DOCK10: variants seen among roughly 807,000 people sequenced by gnomAD.
DOCK10 encodes the protein dedicator of cytokinesis protein 10.
Under a neutral mutation model 280.1 loss-of-function variants are expected in DOCK10, and 145 were observed. The ratio of observed to expected loss-of-function variants is 0.52; its 90% CI spans 0.45 to 0.59. The LOEUF is 0.59. DOCK10 is among the 20% of genes least tolerant of loss of function. DOCK10 has a pLI of 0.00. For synonymous variants in DOCK10, 915 were observed against 942.2 expected, an observed-to-expected ratio of 0.97 and a Z score of 0.53; for missense variants, 2,368 against 2,651.7, an observed-to-expected ratio of 0.89 and a Z score of 2.35.
intron 23 of DOCK10, among the ~76,000 whole-genome samples, chr2:224,840,981 T>C (rs150344686): frequency 6.6e-6 from 1 of 152,250 alleles, no homozygotes; most frequent in Non-Finnish European, 1.5e-5. Context: ...ACCCGGAGTA[T>C]ATTATGCTAA....
At chr2:224,907,690 A>G (rs1700740321) in intron 3 of DOCK10, among the ~76,000 whole-genome samples, 1 of 29,878 alleles carries the variant, frequency 3.3e-5, no homozygotes, top group Admixed American at 4.9e-4. Flanking sequence ...TCCACCTCAA[A>G]AAAAAAAAAA....
chr2:225,040,220 T>C (rs1265304956), intron 1 of DOCK10, among the ~76,000 whole-genome samples: 3 of 152,150 alleles, frequency 2.0e-5, no homozygotes, highest in Non-Finnish European at 4.4e-5. Context: ...ACTCATCACC[T>C]TCCTGTTTCC....
At chr2:224,979,960 T>TTA (rs1491543498) in intron 1 of DOCK10, among the ~76,000 whole-genome samples, 2 of 54,770 alleles carry the variant, frequency 3.7e-5, no homozygotes, top group African/African-American at 2.2e-4. Context: ...GTCTGTGATC[T>TTA]TATAAAAAAA....
rs1242459596 is a variant in DOCK10 at position 224,788,336 on chromosome 2, TATG to T, written c.5418+725_5418+727del. On this transcript the variant is annotated intron_variant, in intron 48 of 55. Transcript: ENST00000258390. ...AGTTATATAAGCTTTAAAGCAAATG[TATG>T]ATATTATTGGAATGTTTTCAACAAT... Among the ~76,000 whole-genome samples the T allele has an allele frequency of 9.2e-5, 14 of 152,216 alleles. 1 individual carries two copies. Among genetic ancestry groups the T allele is most frequent in the Non-Finnish European group, 1.6e-4 (11 of 68,036 alleles).
At chr2:224,893,490 C>T in intron 4 of DOCK10, 2 of 230,456 alleles carry the variant, frequency 8.7e-6, no homozygotes, top group South Asian at 5.5e-5. Context: ...TGTATTTTAC[C>T]CAGTGGATTA....
intron 1 of DOCK10, among the ~76,000 whole-genome samples, chr2:224,942,801 AATTTTC>A (rs1266884643): frequency 6.6e-6 from 1 of 152,246 alleles, no homozygotes; most frequent in African/African-American, 2.4e-5. Context: ...TAAGAGGATG[AATTTTC>A]ATGGGTATCC....
At chr2:224,886,714 T>G (rs1699305599) in intron 4 of DOCK10, among the ~76,000 whole-genome samples, 183 bp from the exon 5 acceptor site, 3 of 152,288 alleles carry the variant, frequency 2.0e-5, no homozygotes, top group South Asian at 4.1e-4. Context: ...CATGATATCT[T>G]ATCTCCAGTA....
At chr2:224,847,264 CCTTGTGAAGTAG>C (rs1696427323) in intron 19 of DOCK10, among the ~76,000 whole-genome samples, 1 of 152,196 alleles carries the variant, frequency 6.6e-6, no homozygotes, top group South Asian at 2.1e-4. Flanking sequence ...TCCCCAGTAG[CCTTGTGAAGTAG>C]CATGGCACAG....
chr2:224,885,877 T>C, intron 6 of DOCK10, 72 bp from the exon 7 acceptor site: 1 of 1,553,720 alleles, frequency 6.4e-7, no homozygotes, highest in Non-Finnish European at 8.7e-7. Context: ...TTAGAATTAT[T>C]CTAATTCCTT....
intron 1 of DOCK10, among the ~76,000 whole-genome samples, chr2:225,009,299 C>A (rs571539435): frequency 6.6e-6 from 1 of 152,054 alleles, no homozygotes; most frequent in East Asian, 1.9e-4. Flanking sequence ...ATCACTGAAT[C>A]AAAATATTAA....
At chr2:224,783,480 T>C (rs1028293501) in intron 50 of DOCK10, among the ~76,000 whole-genome samples, 1 of 152,094 alleles carries the variant, frequency 6.6e-6, no homozygotes. Context: ...TTCACTGTGT[T>C]AGCCAGGATG....
At chr2:224,857,211 C>A (rs1697206882) in intron 14 of DOCK10, among the ~76,000 whole-genome samples, 1 of 152,110 alleles carries the variant, frequency 6.6e-6, no homozygotes, top group African/African-American at 2.4e-5. Flanking sequence ...TTCCATATTA[C>A]AACTATATTT....
At chr2:224,851,414 T>C (rs1035823975) in intron 18 of DOCK10, among the ~76,000 whole-genome samples, 3 of 150,188 alleles carry the variant, frequency 2.0e-5, no homozygotes, top group Admixed American at 2.0e-4. Context: ...TGGAGTTGGG[T>C]GCCAGTGGAT....
intron 1 of DOCK10, among the ~76,000 whole-genome samples, chr2:224,972,976 A>T (rs1705182347): frequency 6.6e-6 from 1 of 152,226 alleles, no homozygotes; most frequent in African/African-American, 2.4e-5. Context: ...TGCTCTCATA[A>T]ATAAGCTAAC....
At chr2:225,016,628 GATAC>G (rs1559962929) in intron 1 of DOCK10, among the ~76,000 whole-genome samples, 1 of 39,864 alleles carries the variant, frequency 2.5e-5, no homozygotes, top group African/African-American at 6.0e-5. Context: ...TGTGCACATA[GATAC>G]ATATATCTAT....
intron 11 of DOCK10, among the ~76,000 whole-genome samples, chr2:224,872,802 A>G (rs1698370864): frequency 6.6e-6 from 1 of 152,210 alleles, no homozygotes; most frequent in Non-Finnish European, 1.5e-5. Flanking sequence ...GTGAAAGATG[A>G]CAATTGAGGG....
At chr2:224,765,934 C>T (rs573223907) in intron 55 of DOCK10, 97 bp from the exon 56 acceptor site, 17 of 825,746 alleles carry the variant, frequency 2.1e-5, no homozygotes, top group African/African-American at 1.9e-4. Flanking sequence ...TTTCATTCCC[C>T]ACAGGGTAAT....
chr2:225,041,375 C>CG (rs1690419244), intron 1 of DOCK10, among the ~76,000 whole-genome samples: 1 of 152,186 alleles, frequency 6.6e-6, no homozygotes, highest in Non-Finnish European at 1.5e-5. Context: ...ACTCGCTTCC[C>CG]GTTTCCACTA....
chr2:224,940,479 C>T (rs904597504), intron 1 of DOCK10, among the ~76,000 whole-genome samples: 1 of 152,130 alleles, frequency 6.6e-6, no homozygotes, highest in African/African-American at 2.4e-5. Context: ...TAGCTAATGA[C>T]TTCTGTCTTT....
Sources: allele counts gnomAD v4.1 joint callset (sites outside exome capture counted in the v4.1 genomes callset), GRCh38; gene constraint gnomAD v4.1.1; transcripts MANE v1.5; gene names NCBI Gene and HGNC (gene_info 2026-07-23, HGNC 2026-07-21).